The following SUGCT variants were observed in gnomAD, a reference collection of about 807,000 sequenced individuals.
SUGCT encodes the protein succinyl-CoA:glutarate CoA-transferase.
Under a neutral mutation model 55.0 loss-of-function variants are expected in SUGCT, and 41 were observed. The ratio of observed to expected loss-of-function variants is 0.74; its 90% confidence interval spans 0.58 to 0.97. The LOEUF (loss-of-function observed/expected upper bound fraction) is 0.97. Among genes scored for constraint, SUGCT ranks in the 50% least tolerant of loss-of-function variants. The probability of loss-of-function intolerance (pLI) is 0.00; values close to 1 mark genes in which losing one functional copy is unlikely to be tolerated. For missense variants in SUGCT, 568 were observed against 547.8 expected (o/e 1.04, Z -0.37); for synonymous variants, 187 against 200.4 (o/e 0.93, Z 0.56).
the SUGCT span, among the ~76,000 whole-genome samples, chr7:41,018,596 T>C: frequency 6.6e-6 from 1 of 152,128 alleles, no homozygotes; most frequent in Non-Finnish European, 1.5e-5. Context: ...CTTTCAGAGA[T>C]TGATAGTATT....
intron 12 of SUGCT, among the ~76,000 whole-genome samples, chr7:40,514,679 C>A (rs964820321): frequency 1.6e-5 from 2 of 127,912 alleles, no homozygotes; most frequent in African/African-American, 5.9e-5. Flanking sequence ...CATTGCACTG[C>A]GGCCTGGGCA....
intron 8 of SUGCT, among the ~76,000 whole-genome samples, chr7:40,285,534 C>T (rs753207316): frequency 3.3e-5 from 5 of 150,366 alleles, no homozygotes; most frequent in African/African-American, 7.4e-5. Context: ...ATGTTGCCAT[C>T]GTGTCCTTGT....
rs568152123 is a variant in SUGCT, at chr7:40,405,389, C to T, written c.817-43898C>T. On this transcript the variant is annotated intron_variant, in intron 9 of 13. Transcript: ENST00000335693. ...GTCTTTTCTTTTTCTTTTTCTTTAC[C>T]GCTAAGATAATGTTTCCTTCTTTAA... Among the ~76,000 whole-genome samples the T allele has an allele frequency of 1.9e-3, 292 of 152,158 alleles. 1 individual carries two copies. The highest frequency in any genetic ancestry group is 3.9e-3 in the Admixed American group (59 of 15,272).
chr7:40,834,893 C>G (rs577771372), intron 13 of SUGCT, among the ~76,000 whole-genome samples: 32 of 152,250 alleles, frequency 2.1e-4, no homozygotes, highest in Middle Eastern at 3.4e-3. Flanking sequence ...GTCTTCTCCA[C>G]CCTGCTCTTC....
At chr7:40,343,154 C>T (rs1337668040) in intron 9 of SUGCT, among the ~76,000 whole-genome samples, 1 of 152,176 alleles carries the variant, frequency 6.6e-6, no homozygotes, top group Admixed American at 6.5e-5. Context: ...TCTCTATCAG[C>T]CTTCCACCGA....
At chr7:40,240,997 A>T (rs980823207) in intron 7 of SUGCT, among the ~76,000 whole-genome samples, 1 of 152,176 alleles carries the variant, frequency 6.6e-6, no homozygotes, top group Non-Finnish European at 1.5e-5. Flanking sequence ...GTGTCACTGG[A>T]TTATTGTGAA....
intron 12 of SUGCT, among the ~76,000 whole-genome samples, chr7:40,626,153 G>A (rs1237636170): frequency 1.3e-5 from 2 of 152,074 alleles, no homozygotes; most frequent in African/African-American, 4.8e-5. Context: ...TTATCTAAAT[G>A]TTCCATTCTA....
At position 40,392,837 on chromosome 7, in the gene SUGCT, T is replaced by C. The variant is rs145945739; in HGVS notation, c.817-56450T>C. Among the ~76,000 whole-genome samples the C allele has an allele frequency of 5.8e-4, 88 of 152,286 alleles. 1 individual carries two copies. In the East Asian group the frequency reaches 0.013, roughly 23 times the overall value. ...GAGATGTAAGTTTGAAAAATAAATT[T>C]ACAGGAGCTAGTGATGCTTAGCTTT... On this transcript the variant is annotated intron_variant, in intron 9 of 13. Transcript: ENST00000335693.
chr7:40,560,409 G>T (rs1424979445), intron 12 of SUGCT, among the ~76,000 whole-genome samples: 1 of 152,146 alleles, frequency 6.6e-6, no homozygotes, highest in East Asian at 1.9e-4. Flanking sequence ...TGGGACAAAA[G>T]GCAGCACAGA....
chr7:41,035,850 A>AC, the SUGCT span, among the ~76,000 whole-genome samples: 3 of 151,868 alleles, frequency 2.0e-5, no homozygotes, highest in African/African-American at 4.8e-5. Flanking sequence ...ACCTCACAGG[A>AC]ACCCCCAGCC....
intron 12 of SUGCT, among the ~76,000 whole-genome samples, chr7:40,516,799 G>GTT (rs574645474): frequency 5.1e-4 from 78 of 151,866 alleles, no homozygotes; most frequent in African/African-American, 1.7e-3. Context: ...AGATTGTTTT[G>GTT]TTTTTTTCTA....
intron 9 of SUGCT, among the ~76,000 whole-genome samples, chr7:40,448,904 A>ATGTGTG (rs34734227): frequency 1.4e-5 from 2 of 145,512 alleles, no homozygotes; most frequent in African/African-American, 5.3e-5. Flanking sequence ...ATAGACACAT[A>ATGTGTG]TGTGTGTGTG....
At chr7:40,674,934 C>A (rs1234002023) in intron 12 of SUGCT, among the ~76,000 whole-genome samples, 2 of 151,822 alleles carry the variant, frequency 1.3e-5, no homozygotes, top group African/African-American at 4.8e-5. Context: ...TTTGATTGAA[C>A]CTAGTCTACT....
chr7:40,352,406 G>C (rs934302142), intron 9 of SUGCT, among the ~76,000 whole-genome samples: 3 of 152,036 alleles, frequency 2.0e-5, no homozygotes, highest in African/African-American at 7.2e-5. Flanking sequence ...TTGGAGTACA[G>C]AGTATTTCAC....
Position 40,316,763 on chromosome 7 carries a change from G to C in SUGCT, c.724G>C (p.Ala242Pro). The change falls in exon 9 of 14, where the codon GCG becomes CCG. Residue 242 changes from alanine to proline, a missense_variant. Physicochemically the swap from Ala to Pro is conservative, Grantham distance 27. Transcript: ENST00000335693. ...TATTTACTTTTTTTCCTGGTAGGTG[G>C]CGTGTTTGTCTCACATAGCTGCAAA... is the stretch of plus-strand genomic sequence containing the variant. The part of the protein sequence containing the change: ...IDCNLLSSQV[A>P]CLSHIAANYL... 1 of 1,590,730 alleles carries C rather than the reference G, an allele frequency of 6.3e-7. No homozygotes were observed. The highest frequency in any genetic ancestry group is 8.6e-7 in the Non-Finnish European group (1 of 1,166,234).
intron 7 of SUGCT, among the ~76,000 whole-genome samples, chr7:40,239,802 A>G (rs951001040): frequency 6.6e-6 from 1 of 152,200 alleles, no homozygotes; most frequent in East Asian, 1.9e-4. Flanking sequence ...ACATTGCTTT[A>G]TATACTTTCC....
intron 8 of SUGCT, among the ~76,000 whole-genome samples, chr7:40,299,908 T>C (rs1275942475): frequency 6.6e-6 from 1 of 152,168 alleles, no homozygotes; most frequent in Non-Finnish European, 1.5e-5. Context: ...AGGTAAAAAT[T>C]AGCAGTTCAG....
At chr7:40,560,524 AG>A (rs1223574527) in intron 12 of SUGCT, among the ~76,000 whole-genome samples, 1 of 152,216 alleles carries the variant, frequency 6.6e-6, no homozygotes, top group Non-Finnish European at 1.5e-5. Flanking sequence ...TGGAAAACAC[AG>A]AACTTCTGGA....
At chr7:40,294,096 C>T (rs779651924) in intron 8 of SUGCT, among the ~76,000 whole-genome samples, 2 of 151,920 alleles carry the variant, frequency 1.3e-5, no homozygotes, top group Non-Finnish European at 2.9e-5. Context: ...TACAGGCACG[C>T]ACTATGGCGC....
Sources: gnomAD v4.1 joint callset for allele counts (sites outside exome capture counted in the v4.1 genomes callset) on GRCh38, gnomAD v4.1.1 for gene constraint, MANE v1.5 for transcripts, NCBI Gene and HGNC (gene_info 2026-07-23, HGNC 2026-07-21) for gene names.